The following DESI2 variants were observed in gnomAD, a reference collection of about 807,000 sequenced individuals.
DESI2 encodes the protein desumoylating isopeptidase 2.
Under a neutral mutation model 24.1 loss-of-function variants are expected in DESI2, and 10 were observed. The ratio of observed to expected loss-of-function variants is 0.41; its 90% CI spans 0.26 to 0.70. DESI2 has a LOEUF of 0.70. DESI2 is among the 30% of genes least tolerant of loss of function. DESI2 has a pLI of 0.29. For synonymous variants in DESI2, 71 were observed against 87.7 expected (o/e 0.81, Z 1.06); for missense variants, 122 against 234.9 (o/e 0.52, Z 3.14).
intron 1 of DESI2, among the ~76,000 whole-genome samples, chr1:244,663,649 A>G (rs938081830): frequency 6.6e-6 from 1 of 152,200 alleles, no homozygotes; most frequent in African/African-American, 2.4e-5. Context: ...TCTGAATACT[A>G]TAGCTTCTCC....
chr1:244,703,893 C>A (rs930394814), intron 4 of DESI2, among the ~76,000 whole-genome samples: 2 of 152,046 alleles, frequency 1.3e-5, no homozygotes, highest in Non-Finnish European at 2.9e-5. Flanking sequence ...CTCCTGACCT[C>A]ATGATCTGCC....
At chr1:244,683,837 C>T (rs1676720623) in intron 1 of DESI2, among the ~76,000 whole-genome samples, 1 of 151,590 alleles carries the variant, frequency 6.6e-6, no homozygotes, top group African/African-American at 2.4e-5. Context: ...CCACCTCAGC[C>T]TCCCAAGTAG....
At chr1:244,671,561 C>T (rs746509701) in intron 1 of DESI2, among the ~76,000 whole-genome samples, 3 of 152,292 alleles carry the variant, frequency 2.0e-5, no homozygotes, top group African/African-American at 4.8e-5. Context: ...AAGCCAACTT[C>T]TAGGGCTTTA....
intron 1 of DESI2, among the ~76,000 whole-genome samples, chr1:244,676,399 A>G (rs1004781200): frequency 2.0e-5 from 3 of 152,022 alleles, no homozygotes; most frequent in African/African-American, 4.8e-5. Flanking sequence ...TTATATATTG[A>G]TCTTGTACCC....
chr1:244,704,575 G>A (rs1390723082), intron 4 of DESI2, among the ~76,000 whole-genome samples: 2 of 152,154 alleles, frequency 1.3e-5, no homozygotes, highest in African/African-American at 4.8e-5. Context: ...TCTTCAGACT[G>A]AAGCATGGCC....
rs756378623 is a variant in DESI2 at position 244,707,385 on chromosome 1, T to C, written c.*1596T>C. 1 of 152,664 alleles carries C rather than the reference T, an allele frequency of 6.6e-6. No individual in the cohort carries two copies. Among genetic ancestry groups the C allele is most frequent in the Non-Finnish European group, 1.5e-5 (1 of 68,032 alleles). 9.5% of individuals were successfully genotyped at this position (152,664 alleles called of 1,614,324 possible). On this transcript the variant is annotated 3_prime_UTR_variant, in exon 5 of 5. Transcript: ENST00000302550. ...AGGACAATGAAGCCACTTAACCTAATTTATGCTTTCGACTGTTCTGTTTCC... is the reference window on the plus strand; with the variant it reads ...AGGACAATGAAGCCACTTAACCTAACTTATGCTTTCGACTGTTCTGTTTCC...
At chr1:244,673,805 A>G (rs1481177936) in intron 1 of DESI2, among the ~76,000 whole-genome samples, 3 of 152,318 alleles carry the variant, frequency 2.0e-5, no homozygotes, top group African/African-American at 7.2e-5. Flanking sequence ...CTAACAGAGG[A>G]AAAACTTTGT....
chr1:244,673,052 T>C (rs1676300732), intron 1 of DESI2, among the ~76,000 whole-genome samples: 1 of 152,212 alleles, frequency 6.6e-6, no homozygotes. Flanking sequence ...TCACTAAATA[T>C]TCACTTAAAA....
At chr1:244,687,511 A>C (rs951328516) in intron 2 of DESI2, among the ~76,000 whole-genome samples, 4 of 152,222 alleles carry the variant, frequency 2.6e-5, no homozygotes, top group Admixed American at 6.5e-5. Flanking sequence ...GTGACCTCTT[A>C]AGAATATATT....
intron 4 of DESI2, among the ~76,000 whole-genome samples, chr1:244,692,367 A>T (rs948538761): frequency 2.0e-5 from 3 of 151,374 alleles, no homozygotes; most frequent in Admixed American, 6.6e-5. Context: ...CTTTGGCTGA[A>T]TTTTTTTTTC....
At chr1:244,669,772 C>A (rs954651960) in intron 1 of DESI2, among the ~76,000 whole-genome samples, 4 of 152,222 alleles carry the variant, frequency 2.6e-5, no homozygotes, top group Non-Finnish European at 5.9e-5. Flanking sequence ...CCTTGGCCAC[C>A]TTCTGTGTAA....
At chr1:244,662,108 G>A (rs932954170) in intron 1 of DESI2, among the ~76,000 whole-genome samples, 14 of 152,186 alleles carry the variant, frequency 9.2e-5, no homozygotes, top group African/African-American at 3.4e-4. Flanking sequence ...ATTCTAACTG[G>A]TGTGAGAAGG....
intron 4 of DESI2, among the ~76,000 whole-genome samples, chr1:244,701,987 G>A (rs903683802): frequency 1.3e-5 from 2 of 152,032 alleles, no homozygotes; most frequent in Non-Finnish European, 2.9e-5. Context: ...TCTAGAAGAG[G>A]GATTGCTGGA....
At chr1:244,698,247 A>G (rs1677298488) in intron 4 of DESI2, among the ~76,000 whole-genome samples, 1 of 152,224 alleles carries the variant, frequency 6.6e-6, no homozygotes, top group Non-Finnish European at 1.5e-5. Context: ...TGTAGGATAG[A>G]CGGAAATTTA....
chr1:244,692,542 G>GA (rs113619037), intron 4 of DESI2, among the ~76,000 whole-genome samples: 388 of 152,252 alleles, frequency 2.5e-3, no homozygotes, highest in African/African-American at 8.3e-3. Context: ...AAAGAAATTA[G>GA]AAAGATTATA....
chr1:244,703,000 C>CT (rs72210181), intron 4 of DESI2, among the ~76,000 whole-genome samples: 2,359 of 131,578 alleles, frequency 0.018, 122 homozygotes, highest in African/African-American at 0.061. Context: ...TTTGCCAGCG[C>CT]TTTTTTTTTT....
intron 1 of DESI2, among the ~76,000 whole-genome samples, chr1:244,673,541 T>C (rs137929315): frequency 2.0e-5 from 3 of 152,348 alleles, no homozygotes; most frequent in African/African-American, 7.2e-5. Flanking sequence ...GAATTAGGAA[T>C]GCAGCCTGTA....
chr1:244,682,058 C>A (rs538985356), intron 1 of DESI2, among the ~76,000 whole-genome samples: 1 of 152,226 alleles, frequency 6.6e-6, no homozygotes, highest in Non-Finnish European at 1.5e-5. Context: ...AGCTGCAGAC[C>A]CTTGTGGTCA....
At chr1:244,690,089 C>CTT (rs1393110923) in intron 3 of DESI2, among the ~76,000 whole-genome samples, 3 of 152,022 alleles carry the variant, frequency 2.0e-5, no homozygotes, top group Non-Finnish European at 4.4e-5. Flanking sequence ...TTTATTTATA[C>CTT]TTTAAGTTCT....
Sources: gnomAD v4.1 joint callset for allele counts (sites outside exome capture counted in the v4.1 genomes callset) on GRCh38, gnomAD v4.1.1 for gene constraint, MANE v1.5 for transcripts, NCBI Gene and HGNC (gene_info 2026-07-23, HGNC 2026-07-21) for gene names.